Variants in SPMAP2L observed in about 807,000 individuals in gnomAD.
The protein encoded by SPMAP2L is sperm microtubule associated protein 2 like, also known as sperm microtubule associated protein 2-like.
the SPMAP2L span, among the ~76,000 whole-genome samples, chr4:56,609,787 A>G: frequency 4.6e-5 from 7 of 152,328 alleles, no homozygotes; most frequent in African/African-American, 1.4e-4. Flanking sequence ...AGAAGGTGCC[A>G]TCTTGGAAGG....
At chr4:56,604,070 A>G in the SPMAP2L span, among the ~76,000 whole-genome samples, 1 of 152,184 alleles carries the variant, frequency 6.6e-6, no homozygotes, top group Non-Finnish European at 1.5e-5. Flanking sequence ...TTTGCATGAA[A>G]ATGAACTTAC....
the SPMAP2L span, among the ~76,000 whole-genome samples, chr4:56,542,342 GC>G: frequency 6.6e-6 from 1 of 152,130 alleles, no homozygotes; most frequent in Admixed American, 6.6e-5. Context: ...TTTAAGCAAA[GC>G]CCCCAAACCA....
the SPMAP2L span, among the ~76,000 whole-genome samples, chr4:56,612,661 G>A: frequency 7.9e-3 from 1,201 of 152,086 alleles, 7 homozygotes; most frequent in Non-Finnish European, 0.012. Context: ...TCCACCGCCC[G>A]GGTTCAAGCG....
the SPMAP2L span, among the ~76,000 whole-genome samples, chr4:56,553,187 T>A: frequency 7.4e-6 from 1 of 134,342 alleles, no homozygotes; most frequent in Non-Finnish European, 1.6e-5. Flanking sequence ...TTGCTTTTTT[T>A]TTTTTTTTTT....
chr4:56,612,382 C>T, the SPMAP2L span, among the ~76,000 whole-genome samples: 1 of 152,052 alleles, frequency 6.6e-6, no homozygotes, highest in Non-Finnish European at 1.5e-5. Flanking sequence ...CACTCTGTTG[C>T]CCAGGCTGGA....
At chr4:56,600,730 CATT>C in the SPMAP2L span, among the ~76,000 whole-genome samples, 1 of 152,302 alleles carries the variant, frequency 6.6e-6, no homozygotes, top group East Asian at 1.9e-4. Flanking sequence ...AGAACACACT[CATT>C]ATATGTTCAT....
the SPMAP2L span, among the ~76,000 whole-genome samples, chr4:56,617,036 G>T: frequency 6.6e-6 from 1 of 152,136 alleles, no homozygotes; most frequent in African/African-American, 2.4e-5. Context: ...ACCTCGAATA[G>T]TACGGAACCC....
chr4:56,582,407 TA>T, the SPMAP2L span, among the ~76,000 whole-genome samples: 1 of 152,292 alleles, frequency 6.6e-6, no homozygotes, highest in South Asian at 2.1e-4. Flanking sequence ...AATAGATGTT[TA>T]CCCCAAAAAG....
At chr4:56,609,373 G>T in the SPMAP2L span, among the ~76,000 whole-genome samples, 1 of 152,120 alleles carries the variant, frequency 6.6e-6, no homozygotes, top group Non-Finnish European at 1.5e-5. Flanking sequence ...TAACTTGTTC[G>T]ATTTCACAGG....
the SPMAP2L span, among the ~76,000 whole-genome samples, chr4:56,597,090 T>C: frequency 2.6e-4 from 40 of 152,336 alleles, no homozygotes; most frequent in Admixed American, 1.1e-3. Flanking sequence ...GGTGGTAAGA[T>C]ACTTTGCCTA....
At chr4:56,595,216 G>C in the SPMAP2L span, 1 of 1,611,586 alleles carries the variant, frequency 6.2e-7, no homozygotes, top group Non-Finnish European at 8.5e-7. Flanking sequence ...TCTTTTCAGG[G>C]GTGCAAGAGG....
At chr4:56,615,768 CAAA>C in the SPMAP2L span, among the ~76,000 whole-genome samples, 1 of 151,906 alleles carries the variant, frequency 6.6e-6, no homozygotes, top group Non-Finnish European at 1.5e-5. Flanking sequence ...AACAAACAAA[CAAA>C]CAAACAAACA....
the SPMAP2L span, among the ~76,000 whole-genome samples, chr4:56,600,763 C>G: frequency 2.6e-5 from 4 of 152,160 alleles, no homozygotes; most frequent in Admixed American, 1.3e-4. Context: ...CAGTAACTGT[C>G]ATGGAAGGCT....
the SPMAP2L span, among the ~76,000 whole-genome samples, chr4:56,542,454 C>CTT: frequency 8.4e-4 from 120 of 142,130 alleles, no homozygotes; most frequent in Non-Finnish European, 1.4e-3. Flanking sequence ...GTTAATTTAC[C>CTT]TTTTTTTTTT....
chr4:56,616,753 G>C, the SPMAP2L span, among the ~76,000 whole-genome samples: 1 of 152,130 alleles, frequency 6.6e-6, no homozygotes, highest in Non-Finnish European at 1.5e-5. Context: ...TAATTCCAAG[G>C]TGTGGGAGTC....
the SPMAP2L span, chr4:56,593,708 G>A: frequency 4.0e-5 from 64 of 1,588,676 alleles, no homozygotes; most frequent in African/African-American, 5.5e-4. Flanking sequence ...AATGGTGGGG[G>A]CAACAAGAGA....
chr4:56,583,928 A>G, the SPMAP2L span, among the ~76,000 whole-genome samples: 1 of 152,182 alleles, frequency 6.6e-6, no homozygotes, highest in South Asian at 2.1e-4. Context: ...TCAGATACAC[A>G]AACACACATT....
At chr4:56,596,343 C>T in the SPMAP2L span, among the ~76,000 whole-genome samples, 1 of 152,112 alleles carries the variant, frequency 6.6e-6, no homozygotes, top group Admixed American at 6.5e-5. Flanking sequence ...AGAAATTGAT[C>T]CTTTCAGCTG....
the SPMAP2L span, among the ~76,000 whole-genome samples, chr4:56,588,381 T>TC: frequency 6.6e-6 from 1 of 152,182 alleles, no homozygotes; most frequent in South Asian, 2.1e-4. Flanking sequence ...GATCATGAAA[T>TC]CCCTGCCTAA....
Sources: gnomAD v4.1 joint callset for allele counts (sites outside exome capture counted in the v4.1 genomes callset) on GRCh38, gnomAD v4.1.1 for gene constraint, MANE v1.5 for transcripts, NCBI Gene and HGNC (gene_info 2026-07-23, HGNC 2026-07-21) for gene names.